The following NF2 variants were observed in gnomAD, a reference collection of about 807,000 sequenced individuals.
NF2 encodes the protein merlin.
NF2 carries 8 observed loss-of-function variants against 83.7 expected under a neutral mutation model. The observed-to-expected ratio is 0.10, with a 90% CI of 0.06 to 0.17. NF2 has a LOEUF of 0.17. NF2 is among the 10% of genes least tolerant of loss of function. The pLI, the probability that NF2 is intolerant of heterozygous loss-of-function variation, is 1.00. For synonymous variants in NF2, 266 were observed against 269.6 expected (o/e 0.99, Z 0.13); for missense variants, 533 against 744.4 (o/e 0.72, Z 3.31).
intron 4 of NF2, among the ~76,000 whole-genome samples, chr22:29,644,292 G>A (rs1202048664): frequency 6.6e-6 from 1 of 150,786 alleles, no homozygotes; most frequent in Non-Finnish European, 1.5e-5. Context: ...GGGGCGGCGG[G>A]GCAGAGGCGC....
chr22:29,698,269 C>T lies in NF2; in HGVS notation c.*3467C>T, dbSNP rs535211691. 28 of 227,708 alleles carry T rather than the reference C, an allele frequency of 1.2e-4. No homozygotes were observed. Among genetic ancestry groups the T allele is most frequent in the African/African-American group, 5.8e-4 (26 of 45,078 alleles). The allele number at this position is 227,708 out of a possible 1,614,324, so 14.1% of individuals were successfully genotyped here. Reference sequence around the variant, plus strand: ...TGTAATTTTGGGGACAGGTTTCTCTCTTTCCCTCTCTTTTTTTTGTCAAAA... The same window carrying T: ...TGTAATTTTGGGGACAGGTTTCTCTTTTTCCCTCTCTTTTTTTTGTCAAAA... On this transcript the variant is annotated 3_prime_UTR_variant, in exon 16 of 16. Coordinates refer to ENST00000338641, the MANE Select transcript of NF2 (RefSeq NM_000268.4).
intron 1 of NF2, among the ~76,000 whole-genome samples, chr22:29,611,368 C>CA (rs137931599): frequency 0.039 from 5,841 of 151,120 alleles, 381 homozygotes; most frequent in African/African-American, 0.13. Flanking sequence ...ACTACAAATA[C>CA]AAAAAAAAAT....
At chr22:29,637,396 C>T (rs2065677156) in intron 2 of NF2, among the ~76,000 whole-genome samples, 1 of 152,152 alleles carries the variant, frequency 6.6e-6, no homozygotes, top group African/African-American at 2.4e-5. Flanking sequence ...TTCTCTGGGG[C>T]TTCTGACACA....
At chr22:29,658,076 G>A in intron 6 of NF2, 113 bp from the exon 7 acceptor site, 2 of 915,212 alleles carry the variant, frequency 2.2e-6, no homozygotes, top group Non-Finnish European at 3.5e-6. Flanking sequence ...TTGTCTTCTG[G>A]CAGCGACGTG....
At chr22:29,672,000 C>G in intron 11 of NF2, 52 bp downstream of exon 11, 1 of 1,613,334 alleles carries the variant, frequency 6.2e-7, no homozygotes, top group South Asian at 1.1e-5. Context: ...ACTTCCTTGG[C>G]TTTTCTGGAG....
chr22:29,645,761 A>G (rs535686877), intron 4 of NF2, among the ~76,000 whole-genome samples: 3 of 152,320 alleles, frequency 2.0e-5, no homozygotes, highest in Non-Finnish European at 4.4e-5. Flanking sequence ...GTAGAAAAAA[A>G]TTACTTTTCA....
At chr22:29,678,600 C>A (rs2067038281) in intron 14 of NF2, among the ~76,000 whole-genome samples, 1 of 152,180 alleles carries the variant, frequency 6.6e-6, no homozygotes. Flanking sequence ...GGCTCTAAGC[C>A]TCACCTAAAG....
chr22:29,661,015 A>G (rs947009277), intron 7 of NF2, among the ~76,000 whole-genome samples, 190 bp from the exon 8 acceptor site: 2 of 152,358 alleles, frequency 1.3e-5, no homozygotes, highest in African/African-American at 4.8e-5. Context: ...ACAAGAATGG[A>G]ACAGTTTTGC....
At position 29,668,492 on chromosome 22, in the gene NF2, T is replaced by C. The variant is rs757798140; in HGVS notation, c.999+46T>C. On this transcript the variant is annotated intron_variant, in intron 10 of 15. Transcript: ENST00000338641. The stretch of plus-strand genomic sequence containing the variant: ...ACTGATGATGTCACTGTGTGGTCAG[T>C]CCTGGCCTGGGAGGCGAGGAGTGGT... 1.1e-5 allele frequency: 16 copies of C among 1,493,306 alleles called. No individual in the cohort carries two copies. In the Admixed American group the frequency reaches 2.7e-4, roughly 26 times the overall value. The allele number at this position is 1,493,306 out of a possible 1,614,324, so 92.5% of individuals were successfully genotyped here.
chr22:29,639,536 AAG>A (rs1555987873), intron 3 of NF2, among the ~76,000 whole-genome samples: 1 of 152,228 alleles, frequency 6.6e-6, no homozygotes, highest in Non-Finnish European at 1.5e-5. Flanking sequence ...AGGAAGGCTA[AAG>A]AGAGAGTCTT....
chr22:29,660,257 C>T (rs2066439052), intron 7 of NF2, among the ~76,000 whole-genome samples: 1 of 152,198 alleles, frequency 6.6e-6, no homozygotes, highest in African/African-American at 2.4e-5. Context: ...GCCAGGACCG[C>T]TGTCAGGGGC....
At chr22:29,613,486 G>C (rs535381670) in intron 1 of NF2, among the ~76,000 whole-genome samples, 2 of 152,132 alleles carry the variant, frequency 1.3e-5, no homozygotes, top group African/African-American at 2.4e-5. Flanking sequence ...AGTCGAGATC[G>C]TGCTATTGCA....
intron 15 of NF2, chr22:29,683,692 C>G: frequency 9.3e-7 from 1 of 1,073,420 alleles, no homozygotes; most frequent in Non-Finnish European, 1.1e-6. Context: ...TCAGCCACCT[C>G]TGCTTCAGCT....
chr22:29,657,896 G>C (rs1159634794), intron 6 of NF2, among the ~76,000 whole-genome samples: 1 of 152,194 alleles, frequency 6.6e-6, no homozygotes, highest in African/African-American at 2.4e-5. Flanking sequence ...TGAATTACTT[G>C]AGATGAGTTT....
At chr22:29,649,888 ATTG>A (rs1424085968) in intron 4 of NF2, among the ~76,000 whole-genome samples, 1 of 152,152 alleles carries the variant, frequency 6.6e-6, no homozygotes, top group Non-Finnish European at 1.5e-5. Context: ...ACATAATTGG[ATTG>A]TTTGTAAAAC....
chr22:29,626,751 CAG>C (rs2065378308), intron 1 of NF2, among the ~76,000 whole-genome samples: 1 of 152,110 alleles, frequency 6.6e-6, no homozygotes, highest in South Asian at 2.1e-4. Flanking sequence ...GATACTTAGT[CAG>C]GGGTTGTGTT....
chr22:29,694,731 T>G lies in NF2; in HGVS notation c.1738-21T>G. 1 of 1,613,346 alleles carries G rather than the reference T, an allele frequency of 6.2e-7. No individual in the cohort carries two copies. The highest frequency in any genetic ancestry group is 8.5e-7 in the Non-Finnish European group (1 of 1,179,642). Reference sequence around the variant, plus strand: ...AGCGGAGGTCTTGTGCCCTCTCAGCTTCTTCTCTGCTTTCTTACAGCTCAC... The same window carrying G: ...AGCGGAGGTCTTGTGCCCTCTCAGCGTCTTCTCTGCTTTCTTACAGCTCAC... On this transcript the variant is annotated intron_variant, in intron 15 of 15. Transcript: ENST00000338641. The surrounding 1 kb of genome is among the most constrained non-coding windows in gnomAD (Gnocchi z 4.1).
At chr22:29,609,308 A>G (rs2064887320) in intron 1 of NF2, 1 of 672,464 alleles carries the variant, frequency 1.5e-6, no homozygotes, top group African/African-American at 1.8e-5. Context: ...TCACTGGTTG[A>G]GGATCCAGTT....
intron 15 of NF2, among the ~76,000 whole-genome samples, chr22:29,691,261 A>G (rs1300987586): frequency 6.6e-6 from 1 of 152,168 alleles, no homozygotes; most frequent in East Asian, 1.9e-4. Context: ...CAAAGGGAGC[A>G]TGGACATTTT....
Sources: allele counts gnomAD v4.1 joint callset (sites outside exome capture counted in the v4.1 genomes callset), GRCh38; gene constraint gnomAD v4.1.1; non-coding constraint Gnocchi (gnomAD v3.1); transcripts MANE v1.5; gene names NCBI Gene and HGNC (gene_info 2026-07-23, HGNC 2026-07-21).